MMP8: variants seen among roughly 807,000 people sequenced by gnomAD.
The protein encoded by MMP8 is neutrophil collagenase.
Under a neutral mutation model 51.2 loss-of-function variants are expected in MMP8, and 67 were observed. The ratio of observed to expected loss-of-function variants is 1.31; its 90% CI spans 1.08 to 1.60. MMP8 has a LOEUF of 1.60. Ranked by LOEUF, MMP8 falls within the 40% of genes most tolerant of loss-of-function variation. The pLI, the probability that MMP8 is intolerant of heterozygous loss-of-function variation, is 0.00. For missense variants in MMP8, 654 were observed against 558.1 expected, an observed-to-expected ratio of 1.17 and a Z score of -1.73; for synonymous variants, 225 against 191.0, an observed-to-expected ratio of 1.18 and a Z score of -1.47.
intron 1 of MMP8, 25 bp from the exon 2 acceptor site, chr11:102,722,698 G>A (rs983720193): frequency 6.2e-7 from 1 of 1,609,536 alleles, no homozygotes; most frequent in African/African-American, 1.3e-5. Flanking sequence ...GCACATAGGG[G>A]TCTTGCTGTG....
At chr11:102,713,511 T>C in intron 9 of MMP8, 54 bp from the exon 10 acceptor site, 1 of 1,424,246 alleles carries the variant, frequency 7.0e-7, no homozygotes, top group Non-Finnish European at 9.8e-7. Context: ...ATCTCAGATG[T>C]CTTCAGTTAG....
intron 9 of MMP8, 33 bp from the exon 10 acceptor site, chr11:102,713,490 G>A: frequency 2.0e-6 from 3 of 1,520,216 alleles, no homozygotes; most frequent in Non-Finnish European, 1.8e-6. Flanking sequence ...TATTGAATTA[G>A]CTTATAGAAT....
intron 4 of MMP8, 44 bp from the exon 5 acceptor site, chr11:102,718,619 A>G (rs1337462965): frequency 6.2e-7 from 1 of 1,609,296 alleles, no homozygotes; most frequent in East Asian, 2.2e-5. Flanking sequence ...TGTGGATCCC[A>G]GGGTGGCAGA....
chr11:102,721,584 C>A, intron 3 of MMP8, 30 bp downstream of exon 3: 1 of 1,613,302 alleles, frequency 6.2e-7, no homozygotes, highest in Admixed American at 1.7e-5. Context: ...CCAAAGAAAG[C>A]AAAACTGAGC....
intron 6 of MMP8, 132 bp downstream of exon 6, chr11:102,716,170 T>C (rs1008209594): frequency 8.0e-6 from 5 of 623,326 alleles, no homozygotes; most frequent in Middle Eastern, 4.6e-4. Context: ...CCCCAGAACC[T>C]ATAAAAAATT....
At chr11:102,722,758 C>T in intron 1 of MMP8, 85 bp from the exon 2 acceptor site, 1 of 1,540,136 alleles carries the variant, frequency 6.5e-7, no homozygotes, top group Non-Finnish European at 8.8e-7. Flanking sequence ...TAAGTTACTA[C>T]AGAGGTCTGA....
At chr11:102,716,963 G>A (rs36025859) in intron 5 of MMP8, among the ~76,000 whole-genome samples, 2,120 of 152,164 alleles carry the variant, frequency 0.014, 52 homozygotes, top group African/African-American at 0.048. Context: ...GTGTTGTTGG[G>A]GTGGGCAGGA....
chr11:102,714,805 T>TACAC (rs1555094349), intron 7 of MMP8, 96 bp from the exon 8 acceptor site: 1 of 230,816 alleles, frequency 4.3e-6, no homozygotes, highest in African/African-American at 2.9e-5. Context: ...TATATATATA[T>TACAC]ACCACTTCTT....
chr11:102,714,310 G>A (rs1433896344), intron 8 of MMP8, among the ~76,000 whole-genome samples: 1 of 152,102 alleles, frequency 6.6e-6, no homozygotes, highest in Non-Finnish European at 1.5e-5. Flanking sequence ...CTAGTGCTTT[G>A]TTAAGGTTTT....
rs2134295960 is a variant in MMP8, at chr11:102,715,272, A to G, written c.1036+32T>C. 3 of 1,593,176 alleles carry G rather than the reference A, an allele frequency of 1.9e-6. No homozygotes were observed. In the East Asian group the frequency reaches 6.7e-5, roughly 36 times the overall value. ...GTCCTGCCCCCTCCCTTCAGGCAGA[A>G]CTAACATAAGATGAAAACTTTAGGA... is the stretch of plus-strand genomic sequence containing the variant. On this transcript the variant is annotated intron_variant, in intron 7 of 9. Transcript: ENST00000236826.
intron 1 of MMP8, 131 bp downstream of exon 1, chr11:102,724,623 G>C: frequency 1.3e-6 from 1 of 781,200 alleles, no homozygotes; most frequent in Non-Finnish European, 2.0e-6. Context: ...ATCACTAAAA[G>C]GAGATGTTCA....
intron 4 of MMP8, among the ~76,000 whole-genome samples, chr11:102,720,619 T>C (rs1861440723): frequency 1.3e-5 from 2 of 152,222 alleles, no homozygotes; most frequent in South Asian, 4.1e-4. Flanking sequence ...CCACATGGTC[T>C]GGGTATACCT....
Position 102,713,793 on chromosome 11 carries a change from C to A in MMP8, c.1255G>T (p.Gly419Ter), listed in dbSNP as rs1484475369. The A allele has an allele frequency of 6.2e-7, 1 of 1,611,906 alleles. No individual in the cohort carries two copies. Among genetic ancestry groups the A allele is most frequent in the African/African-American group, 1.3e-5 (1 of 74,714 alleles). The change falls in exon 9 of 10, where the codon GGA becomes TGA. Residue 419 changes from glycine to a stop codon, truncating the protein, a stop_gained. Transcript: ENST00000236826. LOFTEE classifies it low-confidence loss of function (END_TRUNC). The part of the protein sequence containing the change: ...YPKSISGAFP[G>*]IESKVDAVFQ... ...ACTGCATCAACTTTACTCTCTATTC[C>A]TGGAAAGGCACCTGATATGCTTTTG...
intron 9 of MMP8, 143 bp from the exon 10 acceptor site, chr11:102,713,600 T>C: frequency 1.0e-6 from 1 of 969,062 alleles, no homozygotes; most frequent in Middle Eastern, 2.3e-4. Flanking sequence ...GTGCGGTGGC[T>C]AATGCCTGTA....
Position 102,715,286 on chromosome 11 carries a change from A to G in MMP8, c.1036+18T>C, listed in dbSNP as rs1379495478. On this transcript the variant is annotated intron_variant, in intron 7 of 9. Transcript: ENST00000236826. ...CTTCAGGCAGAACTAACATAAGATG[A>G]AAACTTTAGGAAGTTACCTTTAAAT... 17 of 1,601,692 alleles carry G rather than the reference A, an allele frequency of 1.1e-5. No homozygotes were observed. The highest frequency in any genetic ancestry group is 1.7e-5 in the Admixed American group (1 of 57,366).
Position 102,712,641 on chromosome 11 carries a change from A to T in MMP8, c.*707T>A, listed in dbSNP as rs895927317. ...CACTCCAATCTCTGCCTCTGTCTTC[A>T]TACGGCCTCCTCCCCTAGGTGACTA... On this transcript the variant is annotated 3_prime_UTR_variant, in exon 10 of 10. Transcript: ENST00000236826. The T allele has an allele frequency of 6.6e-6, 1 of 152,256 alleles. No individual in the cohort carries two copies. The highest frequency in any genetic ancestry group is 2.4e-5 in the African/African-American group (1 of 41,426). 9.4% of individuals were successfully genotyped at this position (152,256 alleles called of 1,614,324 possible).
chr11:102,716,737 T>C (rs984456874), intron 5 of MMP8, among the ~76,000 whole-genome samples: 11 of 152,218 alleles, frequency 7.2e-5, no homozygotes, highest in African/African-American at 2.7e-4. Flanking sequence ...TTCCTCTTTC[T>C]GCTTTTTTGG....
chr11:102,718,490 A>G lies in MMP8; in HGVS notation c.708T>C (p.Tyr236=), dbSNP rs749785096. Residue 236 remains tyrosine, a synonymous_variant, in exon 5 of 10, where the codon TAT becomes TAC. Coordinates refer to ENST00000236826, the MANE Select transcript of MMP8 (RefSeq NM_002424.3). ...TGGTTTCCCTGAAAGCATAGTTGGG[A>G]TACATCAAGGCACCAGGGTCAGAGG... ...AHSSDPGALM[Y]PNYAFRETSN... 1 of 1,613,900 alleles carries G rather than the reference A, an allele frequency of 6.2e-7. No homozygotes were observed. Among genetic ancestry groups the G allele is most frequent in the Non-Finnish European group, 8.5e-7 (1 of 1,179,910 alleles).
chr11:102,713,570 T>C, intron 9 of MMP8, 113 bp from the exon 10 acceptor site: 1 of 1,053,668 alleles, frequency 9.5e-7, no homozygotes, highest in Non-Finnish European at 1.4e-6. Flanking sequence ...AACATGCTAT[T>C]TAAAAAATTT....
Sources: allele counts gnomAD v4.1 joint callset (sites outside exome capture counted in the v4.1 genomes callset), GRCh38; gene constraint gnomAD v4.1.1; transcripts MANE v1.5; gene names NCBI Gene and HGNC (gene_info 2026-07-23, HGNC 2026-07-21).